Variants in PTGER3 observed in about 807,000 individuals in gnomAD.
The protein encoded by PTGER3 is prostaglandin E receptor 3, also known as prostaglandin E2 receptor EP3 subtype.
Under a neutral mutation model 34.7 loss-of-function variants are expected in PTGER3, and 22 were observed. The observed-to-expected ratio is 0.63, with a 90% CI of 0.45 to 0.91. The LOEUF (loss-of-function observed/expected upper bound fraction) is 0.91, where lower values mean the gene tolerates loss of function less well. Ranked by LOEUF, PTGER3 falls within the 40% of genes least tolerant of loss-of-function variation. PTGER3 has a pLI of 0.00. For synonymous variants in PTGER3, 241 were observed against 230.1 expected, an observed-to-expected ratio of 1.05 and a Z score of -0.43; for missense variants, 468 against 519.4, an observed-to-expected ratio of 0.90 and a Z score of 0.96.
At chr1:70,938,236 G>A (rs777469861) in intron 4 of PTGER3, among the ~76,000 whole-genome samples, 10 of 152,086 alleles carry the variant, frequency 6.6e-5, no homozygotes, top group Non-Finnish European at 1.5e-4. Context: ...CAGTGCCCAA[G>A]GGTCAATACC....
intron 2 of PTGER3, among the ~76,000 whole-genome samples, chr1:70,980,837 C>T (rs141959465): frequency 2.6e-5 from 4 of 152,162 alleles, no homozygotes; most frequent in Admixed American, 6.6e-5. Context: ...AACTACAGGT[C>T]GCCTATTTTG....
intron 2 of PTGER3, among the ~76,000 whole-genome samples, chr1:70,985,564 G>A (rs949365959): frequency 6.6e-6 from 1 of 152,096 alleles, no homozygotes; most frequent in Non-Finnish European, 1.5e-5. Flanking sequence ...AGGCACAAGT[G>A]TTTCTTGTGA....
rs141687611 is a variant in PTGER3 at position 70,940,147 on chromosome 1, C to T, written c.*23+13616G>A. 7.2e-3 allele frequency among the ~76,000 whole-genome samples: 1,098 copies of T among 152,322 alleles called. 14 individuals carry two copies. Among genetic ancestry groups the T allele is most frequent in the African/African-American group, 0.025 (1,054 of 41,562 alleles). ...TTCAAAGTTTCACAAATCCCTAGGGCAGGGGCAAAATGCCACCAGTTTCTT... is the reference window on the plus strand; with the variant it reads ...TTCAAAGTTTCACAAATCCCTAGGGTAGGGGCAAAATGCCACCAGTTTCTT... On this transcript the variant is annotated intron_variant, in intron 4 of 4. Transcript: ENST00000370931.
intron 4 of PTGER3, among the ~76,000 whole-genome samples, chr1:70,863,713 A>C (rs1206599041): frequency 6.6e-6 from 1 of 152,050 alleles, no homozygotes; most frequent in Non-Finnish European, 1.5e-5. Context: ...TTGTGAAACA[A>C]GCATGGATAG....
At chr1:70,973,262 GATA>G (rs1653333166) in intron 3 of PTGER3, among the ~76,000 whole-genome samples, 6 of 137,246 alleles carry the variant, frequency 4.4e-5, no homozygotes, top group African/African-American at 1.1e-4. Flanking sequence ...TAGATAGATA[GATA>G]GATGATAGAT....
intron 4 of PTGER3, among the ~76,000 whole-genome samples, chr1:70,878,073 A>AGAATTCG (rs1396018183): frequency 6.6e-6 from 1 of 152,148 alleles, no homozygotes; most frequent in Non-Finnish European, 1.5e-5. Context: ...TAAGTCTGGT[A>AGAATTCG]GAATTCGGCT....
chr1:70,973,378 A>G (rs1653347255), intron 3 of PTGER3, among the ~76,000 whole-genome samples: 2 of 152,138 alleles, frequency 1.3e-5, no homozygotes, highest in African/African-American at 2.4e-5. Context: ...AGAATCAACC[A>G]GCTTGTTCTT....
chr1:70,885,616 T>G (rs1189821997), intron 4 of PTGER3, among the ~76,000 whole-genome samples: 2 of 152,198 alleles, frequency 1.3e-5, no homozygotes, highest in Non-Finnish European at 2.9e-5. Flanking sequence ...AGCTCATTCA[T>G]TCATTCAGCA....
At chr1:70,890,490 A>G (rs1220173413) in intron 4 of PTGER3, among the ~76,000 whole-genome samples, 1 of 152,194 alleles carries the variant, frequency 6.6e-6, no homozygotes, top group East Asian at 1.9e-4. Flanking sequence ...CTGGTCCATT[A>G]ACTTATGCTA....
At chr1:71,007,937 G>A (rs1256520480) in intron 2 of PTGER3, 3 of 984,986 alleles carry the variant, frequency 3.0e-6, no homozygotes, top group African/African-American at 3.5e-5. Flanking sequence ...GTTTCTGATG[G>A]TGATCTCTTT....
At position 71,030,166 on chromosome 1, in the gene PTGER3, A is replaced by T. The variant is rs115211902; in HGVS notation, c.897+16515T>A. 7.0e-3 allele frequency among the ~76,000 whole-genome samples: 1,072 copies of T among 152,130 alleles called. 17 individuals carry two copies. Among genetic ancestry groups the T allele is most frequent in the African/African-American group, 0.025 (1,034 of 41,514 alleles). On this transcript the variant is annotated intron_variant, in intron 1 of 3. Transcript: ENST00000306666. Reference sequence around the variant, plus strand: ...ATGGAAAAAAATGGTACAGTGGTAAATGTGGCCAAATCCAAGATCTTGAGG... The same window carrying T: ...ATGGAAAAAAATGGTACAGTGGTAATTGTGGCCAAATCCAAGATCTTGAGG...
intron 4 of PTGER3, among the ~76,000 whole-genome samples, chr1:70,856,381 A>G (rs972488455): frequency 1.7e-4 from 26 of 148,938 alleles, no homozygotes; most frequent in Non-Finnish European, 3.7e-4. Flanking sequence ...TGGAAGTTGC[A>G]GTGAGTCGAT....
chr1:70,867,834 A>G (rs1461156630), intron 4 of PTGER3, among the ~76,000 whole-genome samples: 1 of 152,204 alleles, frequency 6.6e-6, no homozygotes, highest in East Asian at 1.9e-4. Flanking sequence ...GTCACAAGAC[A>G]GAAACTTGCA....
chr1:71,042,528 C>T (rs1020228369), intron 1 of PTGER3, among the ~76,000 whole-genome samples: 1 of 151,918 alleles, frequency 6.6e-6, no homozygotes, highest in South Asian at 2.1e-4. Flanking sequence ...GACCTTCACA[C>T]CTTTTTCAAA....
intron 4 of PTGER3, among the ~76,000 whole-genome samples, chr1:70,890,020 T>C (rs1646582327): frequency 6.6e-6 from 1 of 152,238 alleles, no homozygotes; most frequent in Non-Finnish European, 1.5e-5. Flanking sequence ...ACACTTCATG[T>C]CTTTCAGAAA....
intron 4 of PTGER3, among the ~76,000 whole-genome samples, chr1:70,899,104 T>G (rs1055236719): frequency 6.6e-6 from 1 of 152,192 alleles, no homozygotes; most frequent in African/African-American, 2.4e-5. Flanking sequence ...GCATAATATA[T>G]GCCAAAATGC....
chr1:70,947,920 A>T (rs896540181), downstream of PTGER3, among the ~76,000 whole-genome samples: 1 of 152,164 alleles, frequency 6.6e-6, no homozygotes, highest in Non-Finnish European at 1.5e-5. Flanking sequence ...TGTGGCTGGG[A>T]ATTCTAAGAA....
chr1:70,868,557 T>C (rs1317125285), intron 4 of PTGER3, among the ~76,000 whole-genome samples: 2 of 152,122 alleles, frequency 1.3e-5, no homozygotes, highest in Non-Finnish European at 2.9e-5. Flanking sequence ...GGTAGAAAGA[T>C]CACAGCCACT....
At chr1:70,937,428 G>A (rs547078273) in intron 4 of PTGER3, among the ~76,000 whole-genome samples, 1 of 152,214 alleles carries the variant, frequency 6.6e-6, no homozygotes, top group African/African-American at 2.4e-5. Context: ...CAGGTGGGAG[G>A]TCTGAACAGG....
Sources: allele counts gnomAD v4.1 joint callset (sites outside exome capture counted in the v4.1 genomes callset), GRCh38; gene constraint gnomAD v4.1.1; transcripts MANE v1.5; gene names NCBI Gene and HGNC (gene_info 2026-07-23, HGNC 2026-07-21).